The following UFL1 variants were observed in gnomAD, a reference collection of about 807,000 sequenced individuals.
UFL1 encodes UFM1 specific ligase 1, also known as E3 UFM1-protein ligase 1.
Under a neutral mutation model 99.3 loss-of-function variants are expected in UFL1, and 78 were observed. That is an observed-to-expected ratio of 0.79 (90% CI 0.65 to 0.95). The LOEUF (loss-of-function observed/expected upper bound fraction) is 0.95. Ranked by LOEUF, UFL1 falls within the 40% of genes least tolerant of loss-of-function variation. The pLI is 0.00. For missense variants in UFL1, 936 were observed against 937.0 expected, an observed-to-expected ratio of 1.00 and a Z score of 0.01; for synonymous variants, 335 against 322.2, an observed-to-expected ratio of 1.04 and a Z score of -0.42.
In UFL1 at chr6:96,547,172, C is replaced by A. The variant is rs1385858505; in HGVS notation, c.1403-992C>A. ...TTGAAAACTGAGCAAAGGATATGAA[C>A]AGATACTTCTCAAAAGAAGAAATAC... On this transcript the variant is annotated intron_variant, in intron 12 of 18. Coordinates refer to ENST00000369278, the MANE Select transcript of UFL1 (RefSeq NM_015323.5). Among the ~76,000 whole-genome samples, 5 of 151,542 alleles carry A rather than the reference C, an allele frequency of 3.3e-5. No individual in the cohort carries two copies. The Admixed American group carries it at 3.3e-4, about 10-fold the overall frequency.
At chr6:96,547,732 T>C (rs1770019824) in intron 12 of UFL1, among the ~76,000 whole-genome samples, 1 of 151,366 alleles carries the variant, frequency 6.6e-6, no homozygotes, top group Admixed American at 6.6e-5. Context: ...AAATACCACA[T>C]GTTCTCACTT....
chr6:96,523,359 C>G, intron 2 of UFL1, 68 bp downstream of exon 2: 1 of 1,421,722 alleles, frequency 7.0e-7, no homozygotes. Context: ...CAAACAAAAC[C>G]CGTAAACATG....
chr6:96,535,440 T>A (rs1769839489), intron 7 of UFL1, among the ~76,000 whole-genome samples: 3 of 152,040 alleles, frequency 2.0e-5, no homozygotes, highest in Admixed American at 2.0e-4. Flanking sequence ...GGCAGCACCT[T>A]CCGCTTCGTG....
Position 96,523,160 on chromosome 6 carries a change from A to G in UFL1, c.92A>G (p.Asn31Ser), listed in dbSNP as rs1194171736. ...CTTTCCCTCAGGTTGTCCGAGCGGAACTGCATTGAGATTGTTAATAAATTG... is the reference window on the plus strand; with the variant it reads ...CTTTCCCTCAGGTTGTCCGAGCGGAGCTGCATTGAGATTGTTAATAAATTG... The part of the protein sequence containing the change: ...AEATQRLSER[N>S]CIEIVNKLIA... The change falls in exon 2 of 19, where the codon AAC becomes AGC. Residue 31 changes from asparagine (N) to serine (S), a missense_variant. Physicochemically the swap from Asn to Ser is conservative, Grantham distance 46 (BLOSUM62 1). Transcript: ENST00000369278. The G allele has an allele frequency of 6.2e-7, 1 of 1,610,444 alleles. No individual in the cohort carries two copies. Among genetic ancestry groups the G allele is most frequent in the Admixed American group, 1.7e-5 (1 of 59,530 alleles).
At chr6:96,543,093 G>C (rs1769953860) in intron 12 of UFL1, 77 bp downstream of exon 12, 5 of 1,477,028 alleles carry the variant, frequency 3.4e-6, no homozygotes, top group Non-Finnish European at 4.5e-6. Flanking sequence ...TATATAATTA[G>C]GTATATATGC....
At chr6:96,542,315 T>C (rs556515270) in intron 11 of UFL1, among the ~76,000 whole-genome samples, 2 of 151,498 alleles carry the variant, frequency 1.3e-5, no homozygotes, top group African/African-American at 4.8e-5. Context: ...GCACGTGTTA[T>C]GTTTCACGCA....
chr6:96,551,099 AC>A (rs1208645666), intron 15 of UFL1, among the ~76,000 whole-genome samples: 31 of 151,852 alleles, frequency 2.0e-4, no homozygotes, highest in Non-Finnish European at 2.5e-4. Flanking sequence ...GGGGCCCTTC[AC>A]AGCTGGCACT....
chr6:96,537,510 A>G lies in UFL1; in HGVS notation c.939A>G (p.Val313=). The G allele has an allele frequency of 3.1e-6, 5 of 1,606,684 alleles. No individual in the cohort carries two copies. The highest frequency in any genetic ancestry group is 4.2e-6 in the Non-Finnish European group (5 of 1,176,866). ...QGLVDQVEAS[V]EEAISSGTWV... is the part of the protein sequence containing the mutation. The stretch of plus-strand genomic sequence containing the variant: ...TTGTGGATCAAGTGGAAGCATCAGT[A>G]GAAGAAGCCATCAGCTCTGGAACAT... Residue 313 remains valine (V), a synonymous_variant, in exon 9 of 19, where the codon GTA becomes GTG. Transcript: ENST00000369278.
chr6:96,534,259 A>G lies in UFL1; in HGVS notation c.597-4A>G. ...AGTTTTTTTTTTTTTAACTTTCCATAAAGGCCTACAGCTGTGAATTCTTTG... is the reference window on the plus strand; with the variant it reads ...AGTTTTTTTTTTTTTAACTTTCCATGAAGGCCTACAGCTGTGAATTCTTTG... On this transcript the variant is annotated splice_region_variant and splice_polypyrimidine_tract_variant and intron_variant, in intron 6 of 18. Coordinates refer to ENST00000369278, the MANE Select transcript of UFL1 (RefSeq NM_015323.5). 2.0e-6 allele frequency: 3 copies of G among 1,524,540 alleles called. No individual in the cohort carries two copies. Among genetic ancestry groups the G allele is most frequent in the Non-Finnish European group, 2.6e-6 (3 of 1,143,616 alleles). The allele number at this position is 1,524,540 out of a possible 1,614,324, so 94.4% of individuals were successfully genotyped here. A position where few individuals can be genotyped will look rare whatever the true frequency, so the allele number is the denominator to read the frequency against.
intron 4 of UFL1, 105 bp from the exon 5 acceptor site, chr6:96,526,216 A>T: frequency 1.2e-6 from 1 of 831,976 alleles, no homozygotes; most frequent in Non-Finnish European, 1.9e-6. Context: ...ACATTTCATT[A>T]CTTTTGGGGC....
intron 3 of UFL1, 25 bp from the exon 4 acceptor site, chr6:96,525,272 A>C (rs779812763): frequency 2.1e-6 from 3 of 1,458,044 alleles, no homozygotes; most frequent in South Asian, 2.4e-5. Flanking sequence ...ACTAATCATT[A>C]ATAGATTTTG....
At chr6:96,547,140 A>C (rs1197236075) in intron 12 of UFL1, among the ~76,000 whole-genome samples, 1 of 151,578 alleles carries the variant, frequency 6.6e-6, no homozygotes, top group African/African-American at 2.4e-5. Context: ...AACAAGAAGA[A>C]GCCCCATTGA....
chr6:96,522,546 C>G (rs768189470), intron 1 of UFL1, among the ~76,000 whole-genome samples: 4 of 152,114 alleles, frequency 2.6e-5, no homozygotes, highest in Non-Finnish European at 5.9e-5. Flanking sequence ...CTAATAGAAG[C>G]CTTTCTATTC....
intron 6 of UFL1, among the ~76,000 whole-genome samples, chr6:96,531,046 T>G (rs142341859): frequency 6.6e-6 from 1 of 152,310 alleles, no homozygotes. Context: ...CATAGGAGCG[T>G]GAACCCTATT....
chr6:96,537,155 T>C (rs1769865279), intron 8 of UFL1, among the ~76,000 whole-genome samples: 1 of 151,838 alleles, frequency 6.6e-6, no homozygotes, highest in Admixed American at 6.6e-5. Flanking sequence ...TTTTCTTGAC[T>C]TCCTGAGTTG....
At chr6:96,552,309 A>C (rs1339906968) in intron 17 of UFL1, among the ~76,000 whole-genome samples, 173 bp from the exon 18 acceptor site, 2 of 152,044 alleles carry the variant, frequency 1.3e-5, no homozygotes, top group Non-Finnish European at 2.9e-5. Flanking sequence ...ACACTAATCT[A>C]TCCATGCCAT....
chr6:96,541,794 T>C (rs545019366), intron 11 of UFL1, among the ~76,000 whole-genome samples: 1 of 151,464 alleles, frequency 6.6e-6, no homozygotes, highest in Admixed American at 6.6e-5. Flanking sequence ...GATAATGCTA[T>C]TGTATTATAA....
At position 96,548,155 on chromosome 6, in the gene UFL1, C is replaced by T; in HGVS notation, c.1403-9C>T. On this transcript the variant is annotated splice_polypyrimidine_tract_variant and intron_variant, in intron 12 of 18. Coordinates refer to ENST00000369278, the MANE Select transcript of UFL1 (RefSeq NM_015323.5). ...TTTATTTATTTGCCATTGCTCATGT[C>T]CGATATAGGAAAGAAGAAGCCAGAG... 1 of 1,553,294 alleles carries T rather than the reference C, an allele frequency of 6.4e-7. No individual in the cohort carries two copies. The highest frequency in any genetic ancestry group is 8.7e-7 in the Non-Finnish European group (1 of 1,143,448).
At chr6:96,543,831 C>T (rs1357033556) in intron 12 of UFL1, among the ~76,000 whole-genome samples, 3 of 151,128 alleles carry the variant, frequency 2.0e-5, no homozygotes, top group Non-Finnish European at 3.0e-5. Context: ...AAGCACTGTT[C>T]AGACTATTCC....
Sources: allele counts gnomAD v4.1 joint callset (sites outside exome capture counted in the v4.1 genomes callset), GRCh38; gene constraint gnomAD v4.1.1; transcripts MANE v1.5; gene names NCBI Gene and HGNC (gene_info 2026-07-23, HGNC 2026-07-21).